The following SMG6 variants were observed in gnomAD, a reference collection of about 807,000 sequenced individuals.
SMG6 encodes the protein telomerase-binding protein EST1A.
A neutral mutation model predicts 142.2 loss-of-function variants in SMG6; 66 were observed. That is an observed-to-expected ratio of 0.46 (90% CI 0.38 to 0.57). SMG6 has a LOEUF of 0.57. Ranked by LOEUF, SMG6 falls within the 20% of genes least tolerant of loss-of-function variation. The probability of loss-of-function intolerance (pLI) is 0.00; values close to 1 mark genes in which losing one functional copy is unlikely to be tolerated. For missense variants in SMG6, 1,793 were observed against 1,832.0 expected (o/e 0.98, Z 0.39); for synonymous variants, 779 against 702.4 (o/e 1.11, Z -1.72).
At chr17:2,211,183 GA>G (rs952310399) in intron 10 of SMG6, among the ~76,000 whole-genome samples, 3 of 149,240 alleles carry the variant, frequency 2.0e-5, no homozygotes, top group Non-Finnish European at 3.0e-5. Context: ...AAAGGTGAAA[GA>G]AAAAAAGAAG....
At position 2,244,731 on chromosome 17, in the gene SMG6, A is replaced by G. The variant is rs1159783251; in HGVS notation, c.2662-12T>C. ...AACCTTTTGTTCAGCTGCATGGGAA[A>G]AAGGGAGAGGAGAAAACAATTAAAC... is the stretch of plus-strand genomic sequence containing the variant. On this transcript the variant is annotated splice_polypyrimidine_tract_variant and intron_variant, in intron 8 of 18. Coordinates refer to ENST00000263073, the MANE Select transcript of SMG6 (RefSeq NM_017575.5). The G allele has an allele frequency of 1.2e-6, 2 of 1,611,324 alleles. No individual in the cohort carries two copies. The highest frequency in any genetic ancestry group is 2.2e-5 in the East Asian group (1 of 44,896).
At chr17:2,149,846 T>G (rs1412184835) in intron 13 of SMG6, among the ~76,000 whole-genome samples, 1 of 152,206 alleles carries the variant, frequency 6.6e-6, no homozygotes, top group Non-Finnish European at 1.5e-5. Flanking sequence ...TTCCAACATT[T>G]CAGTTCTAAG....
At chr17:2,073,386 T>G (rs116473782) in intron 15 of SMG6, among the ~76,000 whole-genome samples, 5,770 of 151,896 alleles carry the variant, frequency 0.038, 360 homozygotes, top group African/African-American at 0.13. Context: ...GCCCAGCGTT[T>G]TTTTGTTTTG....
intron 6 of SMG6, among the ~76,000 whole-genome samples, chr17:2,285,655 G>A (rs2074888462): frequency 1.3e-5 from 2 of 152,070 alleles, no homozygotes; most frequent in African/African-American, 4.8e-5. Context: ...CCTTGGCAAC[G>A]CAGTGAGACC....
At chr17:2,144,378 A>C (rs1469396161) in intron 13 of SMG6, among the ~76,000 whole-genome samples, 1 of 151,482 alleles carries the variant, frequency 6.6e-6, no homozygotes, top group Non-Finnish European at 1.5e-5. Flanking sequence ...TTAATTTTTA[A>C]ATCTTTTTGT....
At chr17:2,135,202 CA>C (rs1327667431) in intron 13 of SMG6, among the ~76,000 whole-genome samples, 1 of 152,120 alleles carries the variant, frequency 6.6e-6, no homozygotes, top group Non-Finnish European at 1.5e-5. Flanking sequence ...TTTAAATTGA[CA>C]AATAGTAATT....
chr17:2,212,245 T>C (rs148882553), intron 10 of SMG6, among the ~76,000 whole-genome samples: 81 of 150,158 alleles, frequency 5.4e-4, no homozygotes, highest in African/African-American at 1.9e-3. Flanking sequence ...AAAACATTAT[T>C]AAAACTGTTA....
chr17:2,256,395 G>A (rs2074180626), intron 8 of SMG6, among the ~76,000 whole-genome samples: 1 of 152,010 alleles, frequency 6.6e-6, no homozygotes, highest in Admixed American at 6.6e-5. Flanking sequence ...CTGTCTTTAA[G>A]TCTCAGTGGT....
intron 13 of SMG6, among the ~76,000 whole-genome samples, chr17:2,126,015 G>A (rs1440363303): frequency 1.3e-5 from 2 of 150,766 alleles, no homozygotes; most frequent in Non-Finnish European, 2.9e-5. Flanking sequence ...AATTAATCGT[G>A]AAAAAGAACA....
intron 13 of SMG6, chr17:2,128,015 T>C: frequency 2.2e-6 from 1 of 460,754 alleles, no homozygotes; most frequent in Non-Finnish European, 4.2e-6. Context: ...AAGGAGAGCT[T>C]CCTACTCCCA....
At chr17:2,287,419 G>A (rs1179446641) in intron 6 of SMG6, among the ~76,000 whole-genome samples, 1 of 152,208 alleles carries the variant, frequency 6.6e-6, no homozygotes, top group Non-Finnish European at 1.5e-5. Context: ...AGGAAGTGGA[G>A]AAATCAGAAG....
intron 13 of SMG6, among the ~76,000 whole-genome samples, chr17:2,121,584 T>C (rs2069692978): frequency 1.4e-5 from 1 of 74,034 alleles, no homozygotes; most frequent in Admixed American, 1.6e-4. Context: ...TGTACATGTC[T>C]GTCTGTGTGT....
intron 10 of SMG6, among the ~76,000 whole-genome samples, chr17:2,191,674 C>T (rs2072168229): frequency 6.6e-6 from 1 of 152,214 alleles, no homozygotes; most frequent in Non-Finnish European, 1.5e-5. Flanking sequence ...GAACTTGGTT[C>T]TGCTCCTTCC....
At chr17:2,288,134 T>C (rs395566) in intron 6 of SMG6, among the ~76,000 whole-genome samples, 88,615 of 151,636 alleles carry the variant, frequency 0.58, 26,859 homozygotes, top group East Asian at 0.75. Context: ...GCCAACATGG[T>C]GAAACCCCAT....
At chr17:2,284,618 TC>T (rs1338892597) in intron 6 of SMG6, among the ~76,000 whole-genome samples, 5 of 152,190 alleles carry the variant, frequency 3.3e-5, no homozygotes, top group African/African-American at 9.7e-5. Context: ...CTTCTCTCTC[TC>T]CCCAGCGTCT....
At position 2,174,536 on chromosome 17, in the gene SMG6, T is replaced by C. The variant is rs189585386; in HGVS notation, c.3156-1677A>G. On this transcript the variant is annotated intron_variant, in intron 12 of 18. Transcript: ENST00000263073. ...AAATGAAACATCTTGTTTTCAAGAG[T>C]GTCCTGGGAACCAGACGGAACACAG... 1.8e-3 allele frequency among the ~76,000 whole-genome samples: 268 copies of C among 152,264 alleles called. 2 individuals are homozygous for C. The highest frequency in any genetic ancestry group is 5.8e-3 in the African/African-American group (240 of 41,540).
intron 10 of SMG6, among the ~76,000 whole-genome samples, chr17:2,223,937 G>A (rs528901483): frequency 6.6e-6 from 1 of 151,986 alleles, no homozygotes; most frequent in African/African-American, 2.4e-5. Flanking sequence ...AAAAAGAAAA[G>A]AAAAGAAAGA....
chr17:2,299,546 C>A lies in SMG6; in HGVS notation c.1207G>T (p.Gly403Cys). Residue 403 changes from glycine to cysteine, a missense_variant, in exon 2 of 19, where the codon GGT becomes TGT. This residue lies in a region of SMG6 where 1,597 missense variants were observed against 1,584.6 expected (regional missense o/e 1.01). Coordinates refer to ENST00000263073, the MANE Select transcript of SMG6 (RefSeq NM_017575.5). The surrounding 1 kb of genome is among the most constrained non-coding windows in gnomAD (Gnocchi z 4.3). ...AAAATCAGAATGCCACGACCACGAC[C>A]CCGAAGTTCTTGTTTCGGGTTTTTG... ...ESKNPKQELR[G>C]RGRGILILPA... 6.2e-7 allele frequency: 1 copy of A among 1,614,070 alleles called. No individual in the cohort carries two copies. Among genetic ancestry groups the A allele is most frequent in the East Asian group, 2.2e-5 (1 of 44,874 alleles).
chr17:2,199,129 T>C (rs1325451563), intron 10 of SMG6, among the ~76,000 whole-genome samples: 3 of 152,094 alleles, frequency 2.0e-5, no homozygotes, highest in African/African-American at 7.2e-5. Flanking sequence ...GACGAATGAA[T>C]TGCAGAAACT....
Sources: allele counts gnomAD v4.1 joint callset (sites outside exome capture counted in the v4.1 genomes callset), GRCh38; gene constraint gnomAD v4.1.1; regional missense constraint gnomAD v4.1.1; non-coding constraint Gnocchi (gnomAD v3.1); transcripts MANE v1.5; gene names NCBI Gene and HGNC (gene_info 2026-07-23, HGNC 2026-07-21).